CADPS2: variants seen among roughly 807,000 people sequenced by gnomAD.
CADPS2 encodes calcium-dependent secretion activator 2.
In CADPS2, 93 loss-of-function variants were observed where a neutral mutation model predicts 172.5. The observed-to-expected ratio is 0.54, with a 90% CI of 0.46 to 0.64. The LOEUF (loss-of-function observed/expected upper bound fraction) is 0.64. CADPS2 is among the 30% of genes least tolerant of loss of function. The pLI is 0.00. For synonymous variants in CADPS2, 546 were observed against 555.2 expected (o/e 0.98, Z 0.23); for missense variants, 1,420 against 1,565.9 (o/e 0.91, Z 1.57).
intron 25 of CADPS2, among the ~76,000 whole-genome samples, chr7:122,364,150 C>T (rs1354025642): frequency 6.6e-6 from 1 of 152,126 alleles, no homozygotes; most frequent in Non-Finnish European, 1.5e-5. Context: ...GTGGCTCACA[C>T]TTGTAATCCC....
chr7:122,518,346 C>T (rs2060528874), intron 8 of CADPS2, among the ~76,000 whole-genome samples: 1 of 151,982 alleles, frequency 6.6e-6, no homozygotes, highest in Non-Finnish European at 1.5e-5. Context: ...GGAAAATGCA[C>T]AGCTGATAAA....
chr7:122,721,353 G>A (rs549202299), intron 2 of CADPS2, among the ~76,000 whole-genome samples: 41 of 151,768 alleles, frequency 2.7e-4, no homozygotes, highest in Non-Finnish European at 4.6e-4. Flanking sequence ...ATGATAAAGG[G>A]GATATCCCCA....
intron 2 of CADPS2, chr7:122,703,017 C>T (rs2086415657): frequency 2.5e-6 from 1 of 402,498 alleles, no homozygotes; most frequent in Non-Finnish European, 4.5e-6. Context: ...ATTATGACAT[C>T]AGAGGTAGTT....
chr7:122,319,257 T>C lies in CADPS2; in HGVS notation c.*908A>G, dbSNP rs2031881028. The C allele has an allele frequency of 6.6e-6, 1 of 152,176 alleles. No homozygotes were observed. The highest frequency in any genetic ancestry group is 2.4e-5 in the African/African-American group (1 of 41,450). 9.4% of individuals were successfully genotyped at this position (152,176 alleles called of 1,614,324 possible). On this transcript the variant is annotated 3_prime_UTR_variant, in exon 30 of 30. Coordinates refer to ENST00000449022, the MANE Select transcript of CADPS2 (RefSeq NM_017954.11). ...GTGTTACTATCTTTTACTCATTTGA[T>C]TAAAAACAAAATATTACAAACAAAA...
chr7:122,772,496 A>T (rs1416148872), intron 1 of CADPS2, among the ~76,000 whole-genome samples: 6 of 152,206 alleles, frequency 3.9e-5, no homozygotes, highest in Non-Finnish European at 8.8e-5. Context: ...GACCTGAGTA[A>T]CTAATTATTT....
intron 1 of CADPS2, among the ~76,000 whole-genome samples, chr7:122,807,889 A>T (rs1409061635): frequency 6.6e-6 from 1 of 152,208 alleles, no homozygotes; most frequent in Non-Finnish European, 1.5e-5. Context: ...ACCTCTGTAA[A>T]GACCTTATCT....
At chr7:122,738,890 A>G (rs1562903867) in intron 1 of CADPS2, among the ~76,000 whole-genome samples, 1 of 151,626 alleles carries the variant, frequency 6.6e-6, no homozygotes, top group Admixed American at 6.6e-5. Context: ...ATGGGCAGCG[A>G]AGAAAGAAGA....
chr7:122,823,472 T>C (rs1315726879), intron 1 of CADPS2, among the ~76,000 whole-genome samples: 2 of 152,110 alleles, frequency 1.3e-5, no homozygotes, highest in Non-Finnish European at 2.9e-5. Context: ...GAGTATTGGC[T>C]ATGAAATGCC....
intron 2 of CADPS2, among the ~76,000 whole-genome samples, chr7:122,688,838 G>C (rs962025702): frequency 5.3e-5 from 8 of 152,158 alleles, no homozygotes; most frequent in African/African-American, 1.9e-4. Flanking sequence ...GCACAGCCAT[G>C]TTCCTTACAC....
chr7:122,415,905 T>C (rs2047848316), intron 18 of CADPS2, among the ~76,000 whole-genome samples, 156 bp downstream of exon 18: 2 of 152,232 alleles, frequency 1.3e-5, no homozygotes, highest in South Asian at 4.1e-4. Context: ...CAATGGGATG[T>C]ACAGTGATGC....
chr7:122,552,431 T>A (rs2064418462), intron 8 of CADPS2, among the ~76,000 whole-genome samples: 1 of 152,130 alleles, frequency 6.6e-6, no homozygotes, highest in African/African-American at 2.4e-5. Flanking sequence ...CGATGATATA[T>A]CCTCTTTAGT....
chr7:122,488,733 G>A (rs2058051715), intron 11 of CADPS2, among the ~76,000 whole-genome samples: 1 of 152,210 alleles, frequency 6.6e-6, no homozygotes, highest in East Asian at 1.9e-4. Context: ...AGAAGAGTAG[G>A]GGGAAGAATC....
At chr7:122,636,478 T>C (rs2077076498) in intron 3 of CADPS2, among the ~76,000 whole-genome samples, 1 of 147,446 alleles carries the variant, frequency 6.8e-6, no homozygotes, top group Non-Finnish European at 1.5e-5. Context: ...TTTTTTTTTT[T>C]TTTTTGAGAT....
chr7:122,672,225 C>T (rs1404910801), intron 2 of CADPS2, among the ~76,000 whole-genome samples: 2 of 152,134 alleles, frequency 1.3e-5, no homozygotes. Context: ...AATCCTACAT[C>T]CTTTCATAAC....
At chr7:122,350,184 A>T (rs776429068) in intron 27 of CADPS2, among the ~76,000 whole-genome samples, 1 of 152,170 alleles carries the variant, frequency 6.6e-6, no homozygotes, top group Non-Finnish European at 1.5e-5. Context: ...ATTCATTACC[A>T]TTTGAGAAAA....
intron 10 of CADPS2, 75 bp downstream of exon 10, chr7:122,491,237 A>G: frequency 1.1e-6 from 1 of 930,812 alleles, no homozygotes; most frequent in Non-Finnish European, 1.6e-6. Context: ...TTTAAATTGT[A>G]GAACAGACAA....
intron 3 of CADPS2, among the ~76,000 whole-genome samples, chr7:122,643,247 T>C (rs747946970): frequency 1.3e-5 from 2 of 152,210 alleles, no homozygotes; most frequent in African/African-American, 4.8e-5. Flanking sequence ...AAAAGTTTTA[T>C]TAAGTATTAG....
intron 2 of CADPS2, among the ~76,000 whole-genome samples, chr7:122,723,053 G>A (rs2090645659): frequency 1.3e-5 from 2 of 152,070 alleles, no homozygotes; most frequent in Non-Finnish European, 2.9e-5. Flanking sequence ...AGACTTAAAT[G>A]TTAGACTTAA....
intron 7 of CADPS2, among the ~76,000 whole-genome samples, chr7:122,563,821 T>A (rs1010136709): frequency 6.6e-6 from 1 of 152,182 alleles, no homozygotes; most frequent in African/African-American, 2.4e-5. Flanking sequence ...AGCTAATTCA[T>A]GGACTACTGA....
Sources: allele counts gnomAD v4.1 joint callset (sites outside exome capture counted in the v4.1 genomes callset), GRCh38; gene constraint gnomAD v4.1.1; transcripts MANE v1.5; gene names NCBI Gene and HGNC (gene_info 2026-07-23, HGNC 2026-07-21).